The following ITPR2 variants were observed in gnomAD, a reference collection of about 807,000 sequenced individuals.
ITPR2 encodes the protein inositol 1,4,5-trisphosphate receptor type 2.
ITPR2 carries 207 observed loss-of-function variants against 317.1 expected under a neutral mutation model. That is an observed-to-expected ratio of 0.65 (90% CI 0.58 to 0.73). The LOEUF is 0.73. ITPR2 is among the 30% of genes least tolerant of loss of function. The pLI, the probability that ITPR2 is intolerant of heterozygous loss-of-function variation, is 0.00. For synonymous variants in ITPR2, 1,156 were observed against 1,149.1 expected, an observed-to-expected ratio of 1.01 and a Z score of -0.12; for missense variants, 2,613 against 3,284.0, an observed-to-expected ratio of 0.80 and a Z score of 4.99.
In ITPR2 at chr12:26,484,123, ATATG is replaced by A. The variant is rs1254409262; in HGVS notation, c.5812-229_5812-226del. On this transcript the variant is annotated intron_variant, in intron 41 of 56. Transcript: ENST00000381340. The stretch of plus-strand genomic sequence containing the variant: ...CATATATATGTATACATGTACATAT[ATATG>A]TGTGTATATGTGTGTATATATGTAT... 4.6e-5 allele frequency among the ~76,000 whole-genome samples: 7 copies of A among 151,402 alleles called. No individual in the cohort carries two copies. The East Asian group carries it at 1.4e-3, about 29-fold the overall frequency.
chr12:26,656,418 G>C lies in ITPR2; in HGVS notation c.2323C>G (p.Arg775Gly), dbSNP rs780212762. The change falls in exon 19 of 57, where the codon CGA (arginine) becomes GGA (glycine). Residue 775 changes from arginine to glycine, a missense_variant. Coordinates refer to ENST00000381340, the MANE Select transcript of ITPR2 (RefSeq NM_002223.4). Reference sequence around the variant, plus strand: ...AGCATGAGGCGACAGAAGGACGCTCGGAGGTCGAACGGCAGGCTCTCATCC... The same window carrying C: ...AGCATGAGGCGACAGAAGGACGCTCCGAGGTCGAACGGCAGGCTCTCATCC... ...VSDESLPFDLRASFCRLMLHM... is the reference protein window; with the variant it reads ...VSDESLPFDLGASFCRLMLHM... The C allele has an allele frequency of 1.9e-6, 3 of 1,614,124 alleles. No individual in the cohort carries two copies. Among genetic ancestry groups the C allele is most frequent in the Non-Finnish European group, 2.5e-6 (3 of 1,180,050 alleles).
intron 26 of ITPR2, among the ~76,000 whole-genome samples, chr12:26,617,521 A>G (rs1186472470): frequency 6.6e-6 from 1 of 152,160 alleles, no homozygotes; most frequent in Non-Finnish European, 1.5e-5. Flanking sequence ...ACAAAGAAAA[A>G]GGAATATTCT....
At chr12:26,779,431 T>C (rs1052586599) in intron 2 of ITPR2, among the ~76,000 whole-genome samples, 2 of 152,152 alleles carry the variant, frequency 1.3e-5, no homozygotes, top group African/African-American at 2.4e-5. Flanking sequence ...TATCATCGAA[T>C]GGAAGTAGTA....
At chr12:26,360,403 C>G (rs1591962010) in intron 55 of ITPR2, among the ~76,000 whole-genome samples, 1 of 152,188 alleles carries the variant, frequency 6.6e-6, no homozygotes, top group East Asian at 1.9e-4. Context: ...TGATCTTTAG[C>G]TTCCCCTGGT....
chr12:26,710,888 G>A (rs1948632256), intron 9 of ITPR2, among the ~76,000 whole-genome samples: 1 of 152,094 alleles, frequency 6.6e-6, no homozygotes, highest in Non-Finnish European at 1.5e-5. Context: ...AAAATTTTAG[G>A]CCACATCACA....
chr12:26,556,807 G>A (rs1427438241), intron 35 of ITPR2, among the ~76,000 whole-genome samples: 1 of 151,252 alleles, frequency 6.6e-6, no homozygotes, highest in Non-Finnish European at 1.5e-5. Context: ...AGCCAGGTGC[G>A]GTGCCTCACG....
At chr12:26,713,108 G>T (rs746457323) in intron 8 of ITPR2, among the ~76,000 whole-genome samples, 5 of 152,284 alleles carry the variant, frequency 3.3e-5, no homozygotes, top group African/African-American at 1.2e-4. Flanking sequence ...ACTAGTGCCC[G>T]CTCCTACAAG....
chr12:26,677,433 C>T (rs942213348), intron 13 of ITPR2, among the ~76,000 whole-genome samples: 1 of 151,946 alleles, frequency 6.6e-6, no homozygotes, highest in African/African-American at 2.4e-5. Flanking sequence ...AACCCTGTCT[C>T]TAGAAAAATC....
chr12:26,466,925 T>A (rs1942182996), intron 45 of ITPR2, among the ~76,000 whole-genome samples: 1 of 152,194 alleles, frequency 6.6e-6, no homozygotes, highest in South Asian at 2.1e-4. Context: ...ATGAGGTAAT[T>A]GTACGTTACT....
chr12:26,531,485 C>T (rs1943941345), intron 37 of ITPR2, among the ~76,000 whole-genome samples: 1 of 152,116 alleles, frequency 6.6e-6, no homozygotes, highest in Non-Finnish European at 1.5e-5. Context: ...TTTCATTCGT[C>T]TTAGCTTTGT....
chr12:26,693,164 C>T (rs1948272036), intron 10 of ITPR2, among the ~76,000 whole-genome samples: 1 of 152,184 alleles, frequency 6.6e-6, no homozygotes, highest in Admixed American at 6.5e-5. Flanking sequence ...AGATGAGACT[C>T]AGTCATAAAC....
intron 2 of ITPR2, among the ~76,000 whole-genome samples, chr12:26,777,599 G>A (rs1210687262): frequency 6.8e-6 from 1 of 146,498 alleles, no homozygotes; most frequent in East Asian, 2.1e-4. Flanking sequence ...AATTAATCAC[G>A]GTATTCCCAG....
intron 2 of ITPR2, among the ~76,000 whole-genome samples, chr12:26,733,311 C>A (rs1237115442): frequency 8.3e-6 from 1 of 120,776 alleles, no homozygotes; most frequent in African/African-American, 3.0e-5. Flanking sequence ...AAGACTCCAT[C>A]TCAAAAAAAA....
chr12:26,606,392 C>T (rs978346454), intron 26 of ITPR2, among the ~76,000 whole-genome samples: 6 of 152,122 alleles, frequency 3.9e-5, no homozygotes, highest in Admixed American at 1.3e-4. Context: ...GTGATCTTAG[C>T]GGTAGCTGTA....
chr12:26,365,230 A>C (rs1026020590), intron 55 of ITPR2, among the ~76,000 whole-genome samples: 1 of 152,186 alleles, frequency 6.6e-6, no homozygotes, highest in African/African-American at 2.4e-5. Context: ...GAACGGTGTC[A>C]CTACAAAGAA....
At chr12:26,415,640 A>G (rs1222845499) in intron 50 of ITPR2, 142 bp from the exon 51 acceptor site, 3 of 488,116 alleles carry the variant, frequency 6.1e-6, no homozygotes, top group Non-Finnish European at 1.0e-5. Context: ...AAAATGAACC[A>G]AAGTATTTAT....
At chr12:26,829,112 A>C (rs1289957971) in intron 1 of ITPR2, among the ~76,000 whole-genome samples, 1 of 152,214 alleles carries the variant, frequency 6.6e-6, no homozygotes, top group East Asian at 1.9e-4. Flanking sequence ...TCTGAAAGCA[A>C]CTTTCAAGTG....
intron 2 of ITPR2, among the ~76,000 whole-genome samples, chr12:26,784,485 C>T (rs934629540): frequency 4.6e-5 from 7 of 151,080 alleles, no homozygotes; most frequent in African/African-American, 1.5e-4. Flanking sequence ...CGGGTGCCTG[C>T]GCACGCCGCC....
At chr12:26,718,097 A>C (rs1948772216) in intron 5 of ITPR2, among the ~76,000 whole-genome samples, 1 of 152,222 alleles carries the variant, frequency 6.6e-6, no homozygotes, top group African/African-American at 2.4e-5. Flanking sequence ...AAACAAAAAA[A>C]CAAAACAGAA....
Sources: allele counts gnomAD v4.1 joint callset (sites outside exome capture counted in the v4.1 genomes callset), GRCh38; gene constraint gnomAD v4.1.1; transcripts MANE v1.5; gene names NCBI Gene and HGNC (gene_info 2026-07-23, HGNC 2026-07-21).